Variants in RC3H1 observed in about 807,000 individuals in gnomAD.
The protein encoded by RC3H1 is ring finger and CCCH-type domains 1.
RC3H1 carries 50 observed loss-of-function variants against 138.2 expected under a neutral mutation model. The ratio of observed to expected loss-of-function variants is 0.36; its 90% CI spans 0.29 to 0.46. The LOEUF (loss-of-function observed/expected upper bound fraction) is 0.46, where lower values mean the gene tolerates loss of function less well. Among genes scored for constraint, RC3H1 ranks in the 20% least tolerant of loss-of-function variants. RC3H1 has a pLI of 1.00. For missense variants in RC3H1, 1,031 were observed against 1,388.1 expected, an observed-to-expected ratio of 0.74 and a Z score of 4.09; for synonymous variants, 462 against 489.1, an observed-to-expected ratio of 0.94 and a Z score of 0.73.
rs772065803 is a variant in RC3H1 at position 173,965,123 on chromosome 1, A to G, written c.1335-3T>C. 3 of 1,605,902 alleles carry G rather than the reference A, an allele frequency of 1.9e-6. No homozygotes were observed. Among genetic ancestry groups the G allele is most frequent in the Admixed American group, 3.4e-5 (2 of 58,024 alleles). ...GGCGCTTATTCATTTTACGAAATCT[A>G]TATAAAAAGCATAGGCACATATCAA... On this transcript the variant is annotated splice_region_variant and splice_polypyrimidine_tract_variant and intron_variant, in intron 9 of 19. Transcript: ENST00000367696.
At chr1:174,021,064 A>C (rs1661947566) in intron 1 of RC3H1, among the ~76,000 whole-genome samples, 1 of 152,224 alleles carries the variant, frequency 6.6e-6, no homozygotes, top group South Asian at 2.1e-4. Context: ...CTGGTCTTGA[A>C]CAATTTCAGG....
intron 9 of RC3H1, among the ~76,000 whole-genome samples, chr1:173,965,784 A>G (rs886075487): frequency 6.6e-6 from 1 of 152,200 alleles, no homozygotes; most frequent in African/African-American, 2.4e-5. Flanking sequence ...ATGTTAAAAA[A>G]TTAGGAATAA....
At chr1:173,942,826 A>T (rs1386224704) in intron 18 of RC3H1, among the ~76,000 whole-genome samples, 21 of 142,682 alleles carry the variant, frequency 1.5e-4, no homozygotes, top group Admixed American at 1.4e-3. Context: ...ACTCCGCCTC[A>T]AAAAAAAAAA....
intron 7 of RC3H1, among the ~76,000 whole-genome samples, chr1:173,975,009 C>T (rs1660513836): frequency 6.6e-6 from 1 of 152,112 alleles, no homozygotes; most frequent in Non-Finnish European, 1.5e-5. Flanking sequence ...ACAGAGTTGC[C>T]ACAAACAGGA....
intron 1 of RC3H1, chr1:174,015,792 G>A (rs1312043177): frequency 1.3e-5 from 2 of 151,996 alleles, no homozygotes; most frequent in Admixed American, 6.6e-5. Flanking sequence ...TGGGATTATA[G>A]GTATGAGTCA....
At chr1:173,946,356 T>G in intron 17 of RC3H1, 120 bp downstream of exon 17, 1 of 798,462 alleles carries the variant, frequency 1.3e-6, no homozygotes, top group Non-Finnish European at 1.9e-6. Context: ...AATAGAAACC[T>G]ATACTAACTC....
intron 5 of RC3H1, among the ~76,000 whole-genome samples, chr1:173,981,734 A>G (rs1364569719): frequency 6.6e-6 from 1 of 152,112 alleles, no homozygotes; most frequent in Non-Finnish European, 1.5e-5. Context: ...GGGATGGGCT[A>G]CTACCAGAAA....
intron 2 of RC3H1, among the ~76,000 whole-genome samples, chr1:173,989,109 G>A (rs1661155411): frequency 6.6e-6 from 1 of 152,202 alleles, no homozygotes; most frequent in Non-Finnish European, 1.5e-5. Flanking sequence ...GCTCACTGCA[G>A]CCTCCATCAG....
At chr1:173,990,560 GTATTAT>G (rs1164134769) in intron 2 of RC3H1, among the ~76,000 whole-genome samples, 6 of 149,010 alleles carry the variant, frequency 4.0e-5, no homozygotes, top group Non-Finnish European at 7.4e-5. Flanking sequence ...TGTAAGAAAA[GTATTAT>G]TATTATTATT....
Position 173,942,253 on chromosome 1 carries a change from A to T in RC3H1, c.3136-873T>A, listed in dbSNP as rs182338055. Among the ~76,000 whole-genome samples the T allele has an allele frequency of 3.9e-3, 583 of 149,580 alleles. 15 individuals are homozygous for T. The highest frequency in any genetic ancestry group is 0.033 in the Admixed American group (490 of 15,020). On this transcript the variant is annotated intron_variant, in intron 18 of 19. Coordinates refer to ENST00000367696, the MANE Select transcript of RC3H1 (RefSeq NM_172071.4). ...CGAGACTCCGCCTCAAAAAAAAAAA[A>T]CTAAAAAAAAAATAAAATACAAAAC...
At chr1:173,997,544 T>C in intron 1 of RC3H1, among the ~76,000 whole-genome samples, 1 of 152,172 alleles carries the variant, frequency 6.6e-6, no homozygotes, top group East Asian at 1.9e-4. Flanking sequence ...TTAATTTTGT[T>C]TATCACCTCC....
chr1:173,964,251 G>T, intron 10 of RC3H1, 64 bp from the exon 11 acceptor site: 1 of 1,315,394 alleles, frequency 7.6e-7, no homozygotes, highest in Non-Finnish European at 1.1e-6. Context: ...ATTGTTACAA[G>T]TAAAAAAGAT....
At chr1:173,993,900 A>G (rs1661392933) in intron 1 of RC3H1, among the ~76,000 whole-genome samples, 1 of 149,360 alleles carries the variant, frequency 6.7e-6, no homozygotes, top group Non-Finnish European at 1.5e-5. Flanking sequence ...GGCGCCTGTA[A>G]CCCCAGCTAC....
At chr1:173,950,772 C>G (rs1196351462) in intron 14 of RC3H1, among the ~76,000 whole-genome samples, 1 of 151,066 alleles carries the variant, frequency 6.6e-6, no homozygotes, top group East Asian at 2.0e-4. Flanking sequence ...GTAGCTCATG[C>G]CTGTAATCCC....
At chr1:173,945,417 C>T (rs920217926) in intron 17 of RC3H1, among the ~76,000 whole-genome samples, 2 of 151,942 alleles carry the variant, frequency 1.3e-5, no homozygotes, top group African/African-American at 2.4e-5. Flanking sequence ...TGAACCACCA[C>T]GTCCAGCCAG....
At chr1:174,016,312 T>C (rs1219191472) in intron 1 of RC3H1, 1 of 152,014 alleles carries the variant, frequency 6.6e-6, no homozygotes, top group Non-Finnish European at 1.5e-5. Context: ...GAAACATGTA[T>C]TTACAAAAAG....
intron 1 of RC3H1, among the ~76,000 whole-genome samples, chr1:173,997,021 G>C (rs1404548776): frequency 6.6e-6 from 1 of 151,958 alleles, no homozygotes; most frequent in Non-Finnish European, 1.5e-5. Flanking sequence ...CTTGAGCCCA[G>C]GAGTTTGAGA....
Position 173,964,844 on chromosome 1 carries a change from A to G in RC3H1, c.1611T>C (p.Pro537=), listed in dbSNP as rs1230199426. The change falls in exon 10 of 20, where the codon CCT becomes CCC. Residue 537 remains proline, a synonymous_variant. Coordinates refer to ENST00000367696, the MANE Select transcript of RC3H1 (RefSeq NM_172071.4). The stretch of plus-strand genomic sequence containing the variant: ...GAGTTAGAAAAATGACGTACAGGTC[A>G]GGAGGGGATCCAGGAGCACTACTGC... The part of the protein sequence containing the change: ...HLSSSAPGSP[P]DLLESVPKSI... 1 of 1,614,038 alleles carries G rather than the reference A, an allele frequency of 6.2e-7. No homozygotes were observed. The highest frequency in any genetic ancestry group is 1.1e-5 in the South Asian group (1 of 91,068).
chr1:173,953,772 C>T (rs1333004239), intron 13 of RC3H1, among the ~76,000 whole-genome samples: 2 of 152,074 alleles, frequency 1.3e-5, no homozygotes, highest in Non-Finnish European at 2.9e-5. Flanking sequence ...GGCAAGGTGG[C>T]TCACGCCTGC....
Sources: allele counts gnomAD v4.1 joint callset (sites outside exome capture counted in the v4.1 genomes callset), GRCh38; gene constraint gnomAD v4.1.1; transcripts MANE v1.5; gene names NCBI Gene and HGNC (gene_info 2026-07-23, HGNC 2026-07-21).